Variants in DLG2 observed in about 807,000 individuals in gnomAD.
DLG2 encodes the protein disks large homolog 2.
In DLG2, 45 loss-of-function variants were observed where a neutral mutation model predicts 132.5. The ratio of observed to expected loss-of-function variants is 0.34; its 90% CI spans 0.27 to 0.44. The LOEUF (loss-of-function observed/expected upper bound fraction) is 0.44, where lower values mean the gene tolerates loss of function less well. DLG2 is among the 20% of genes least tolerant of loss of function. DLG2 has a pLI of 1.00. For missense variants in DLG2, 1,045 were observed against 1,196.9 expected, an observed-to-expected ratio of 0.87 and a Z score of 1.87; for synonymous variants, 424 against 419.6, an observed-to-expected ratio of 1.01 and a Z score of -0.13.
At chr11:85,619,370 T>TAA (rs111827766) in intron 2 of DLG2, among the ~76,000 whole-genome samples, 1 of 146,708 alleles carries the variant, frequency 6.8e-6, no homozygotes, top group Non-Finnish European at 1.5e-5. Context: ...AATTTTAAAT[T>TAA]AAAAAAAAAA....
intron 9 of DLG2, among the ~76,000 whole-genome samples, chr11:84,135,776 G>C (rs1471153307): frequency 1.3e-5 from 2 of 152,078 alleles, no homozygotes; most frequent in Non-Finnish European, 2.9e-5. Context: ...AAGAAGGTCG[G>C]AATTTATCTA....
At chr11:84,756,636 G>C (rs1012098903) in intron 6 of DLG2, among the ~76,000 whole-genome samples, 1 of 150,010 alleles carries the variant, frequency 6.7e-6, no homozygotes, top group African/African-American at 2.5e-5. Context: ...ACACAAAGTG[G>C]ATACATAACA....
intron 7 of DLG2, among the ~76,000 whole-genome samples, chr11:84,336,080 G>C (rs899714666): frequency 1.3e-5 from 2 of 152,114 alleles, no homozygotes; most frequent in Non-Finnish European, 2.9e-5. Context: ...TTCTGATTGT[G>C]AAATTTTGAT....
intron 7 of DLG2, among the ~76,000 whole-genome samples, chr11:84,255,586 G>C (rs1471255804): frequency 6.6e-6 from 1 of 152,118 alleles, no homozygotes; most frequent in East Asian, 1.9e-4. Context: ...GGCCCCCAAA[G>C]CGCTGGGAGT....
At chr11:84,723,977 T>C (rs2062115685) in intron 6 of DLG2, among the ~76,000 whole-genome samples, 1 of 152,220 alleles carries the variant, frequency 6.6e-6, no homozygotes, top group Admixed American at 6.5e-5. Context: ...TTATTATTGT[T>C]ATACTTAATC....
chr11:83,618,567 T>G (rs919663), intron 19 of DLG2, among the ~76,000 whole-genome samples: 28,613 of 152,064 alleles, frequency 0.19, 2,835 homozygotes, highest in Non-Finnish European at 0.19. Flanking sequence ...GGGAGAAGAA[T>G]TATGTTACTG....
chr11:85,231,486 A>G (rs2075297659), intron 4 of DLG2, among the ~76,000 whole-genome samples: 1 of 151,966 alleles, frequency 6.6e-6, no homozygotes, highest in African/African-American at 2.4e-5. Context: ...TACATTATTA[A>G]ACATATTTAT....
chr11:84,999,739 G>C (rs1183039594), intron 6 of DLG2, among the ~76,000 whole-genome samples: 1 of 151,988 alleles, frequency 6.6e-6, no homozygotes, highest in African/African-American at 2.4e-5. Context: ...TTACTGGCAG[G>C]AATAGGGTTT....
rs574674634 is a variant in DLG2, at chr11:84,015,681, T to C, written c.920-35039A>G. 1.2e-3 allele frequency among the ~76,000 whole-genome samples: 185 copies of C among 152,202 alleles called. 6 individuals are homozygous for C. Among genetic ancestry groups the C allele is most frequent in the African/African-American group, 4.2e-3 (175 of 41,550 alleles). ...TTAGTTTGCTGAAAATAATGGCCTC[T>C]AGCTCCATCCATGTCCCTGCAAAGG... is the stretch of plus-strand genomic sequence containing the variant. On this transcript the variant is annotated intron_variant, in intron 11 of 27. Coordinates refer to ENST00000376104, the MANE Select transcript of DLG2 (RefSeq NM_001142699.3).
intron 3 of DLG2, among the ~76,000 whole-genome samples, chr11:85,384,769 T>A (rs181845848): frequency 9.9e-5 from 15 of 152,236 alleles, no homozygotes; most frequent in African/African-American, 3.6e-4. Context: ...GGCTTCACCA[T>A]GTTGGCCAGG....
At chr11:83,542,393 G>A (rs1181063390) in intron 19 of DLG2, among the ~76,000 whole-genome samples, 1 of 152,020 alleles carries the variant, frequency 6.6e-6, no homozygotes, top group Non-Finnish European at 1.5e-5. Context: ...TGAAATATTG[G>A]ACCACCACTG....
At chr11:85,003,270 T>C (rs1206074492) in intron 6 of DLG2, among the ~76,000 whole-genome samples, 1 of 152,110 alleles carries the variant, frequency 6.6e-6, no homozygotes, top group Non-Finnish European at 1.5e-5. Flanking sequence ...ACACAAAAAA[T>C]TTCTGGGAGA....
chr11:83,863,012 G>A (rs1359415239), intron 16 of DLG2, among the ~76,000 whole-genome samples: 7 of 152,108 alleles, frequency 4.6e-5, no homozygotes, highest in Non-Finnish European at 8.8e-5. Flanking sequence ...AAAACTACAG[G>A]CATTAAATTG....
At chr11:83,757,432 A>C (rs772823953) in intron 18 of DLG2, among the ~76,000 whole-genome samples, 2 of 152,198 alleles carry the variant, frequency 1.3e-5, no homozygotes, top group Non-Finnish European at 2.9e-5. Context: ...TTGTGGCCTA[A>C]AGTGGCACTG....
intron 14 of DLG2, among the ~76,000 whole-genome samples, chr11:83,938,287 C>A (rs1263664816): frequency 1.3e-5 from 2 of 152,080 alleles, no homozygotes; most frequent in Non-Finnish European, 2.9e-5. Context: ...CAGAGAGAGA[C>A]TGAGCTAAGA....
intron 3 of DLG2, among the ~76,000 whole-genome samples, chr11:85,499,419 C>T (rs572086551): frequency 6.6e-6 from 1 of 152,194 alleles, no homozygotes; most frequent in South Asian, 2.1e-4. Flanking sequence ...TCTGAATAGA[C>T]CAATAATAGG....
chr11:84,656,660 G>A (rs1237590100), intron 6 of DLG2, among the ~76,000 whole-genome samples: 1 of 152,064 alleles, frequency 6.6e-6, no homozygotes, highest in Non-Finnish European at 1.5e-5. Context: ...GGACCATAAT[G>A]GAAACAGAGA....
At chr11:83,589,512 A>G (rs1179656190) in intron 19 of DLG2, among the ~76,000 whole-genome samples, 1 of 152,182 alleles carries the variant, frequency 6.6e-6, no homozygotes, top group Non-Finnish European at 1.5e-5. Flanking sequence ...GAAAGGAACA[A>G]CCGGAACCAG....
chr11:84,702,969 T>C (rs551953269), intron 6 of DLG2, among the ~76,000 whole-genome samples: 1 of 151,668 alleles, frequency 6.6e-6, no homozygotes, highest in African/African-American at 2.4e-5. Context: ...TAATTACATA[T>C]TGAGAGAATC....
Sources: gnomAD v4.1 joint callset for allele counts (sites outside exome capture counted in the v4.1 genomes callset) on GRCh38, gnomAD v4.1.1 for gene constraint, MANE v1.5 for transcripts, NCBI Gene and HGNC (gene_info 2026-07-23, HGNC 2026-07-21) for gene names.